The following TBC1D5 variants were observed in gnomAD, a reference collection of about 807,000 sequenced individuals.
TBC1D5 encodes the protein TBC1 domain family member 5.
In TBC1D5, 75 loss-of-function variants were observed where a neutral mutation model predicts 100.3. The observed-to-expected ratio is 0.75, with a 90% CI of 0.62 to 0.91. The LOEUF (loss-of-function observed/expected upper bound fraction) is 0.91. Ranked by LOEUF, TBC1D5 falls within the 40% of genes least tolerant of loss-of-function variation. The probability of loss-of-function intolerance (pLI) is 0.00; values close to 1 mark genes in which losing one functional copy is unlikely to be tolerated. For synonymous variants in TBC1D5, 323 were observed against 325.6 expected, an observed-to-expected ratio of 0.99 and a Z score of 0.09; for missense variants, 910 against 942.4, an observed-to-expected ratio of 0.97 and a Z score of 0.45.
rs111553319 is a variant in TBC1D5, at chr3:17,226,934, G to A, written c.1588+11229C>T. Among the ~76,000 whole-genome samples, 697 of 152,126 alleles carry A rather than the reference G, an allele frequency of 4.6e-3. 4 individuals are homozygous for A. Among genetic ancestry groups the A allele is most frequent in the Admixed American group, 0.02 (302 of 15,276 alleles). ...AATGCATGTATGTAGTCTTTCATTCGTGACCAAACATCAGGGAATGAGCCC... is the reference window on the plus strand; with the variant it reads ...AATGCATGTATGTAGTCTTTCATTCATGACCAAACATCAGGGAATGAGCCC... On this transcript the variant is annotated intron_variant, in intron 17 of 21. Transcript: ENST00000253692.
At chr3:17,549,466 A>ATT (rs1383800802) in intron 2 of TBC1D5, among the ~76,000 whole-genome samples, 1 of 152,210 alleles carries the variant, frequency 6.6e-6, no homozygotes, top group Non-Finnish European at 1.5e-5. Flanking sequence ...GTCCTTGTTC[A>ATT]TTTTAATGAG....
intron 3 of TBC1D5, among the ~76,000 whole-genome samples, chr3:17,492,864 C>G (rs2095656137): frequency 6.6e-6 from 1 of 152,206 alleles, no homozygotes; most frequent in Non-Finnish European, 1.5e-5. Flanking sequence ...CATTCAGAAG[C>G]ACTGATGGGT....
intron 2 of TBC1D5, among the ~76,000 whole-genome samples, chr3:17,581,152 C>T (rs1451060687): frequency 2.0e-5 from 3 of 152,194 alleles, no homozygotes; most frequent in Non-Finnish European, 4.4e-5. Flanking sequence ...CCCCTGCACA[C>T]ACTCTCTTGC....
chr3:17,722,866 C>G (rs1015828731), intron 1 of TBC1D5, among the ~76,000 whole-genome samples: 1 of 152,196 alleles, frequency 6.6e-6, no homozygotes, highest in Non-Finnish European at 1.5e-5. Context: ...GGATGAAAAA[C>G]ACATCTCCCA....
chr3:17,705,495 G>T (rs1272610689), intron 1 of TBC1D5, among the ~76,000 whole-genome samples: 4 of 149,796 alleles, frequency 2.7e-5, no homozygotes, highest in Admixed American at 6.6e-5. Context: ...CTCAGACGGG[G>T]TGGTTGCCAG....
chr3:17,465,301 AG>A, intron 3 of TBC1D5: 1 of 170,140 alleles, frequency 5.9e-6, no homozygotes. Context: ...CATGAGGGAG[AG>A]GGGAACTCCA....
chr3:17,415,622 A>T (rs2094047424), intron 4 of TBC1D5, among the ~76,000 whole-genome samples: 1 of 152,112 alleles, frequency 6.6e-6, no homozygotes, highest in Non-Finnish European at 1.5e-5. Flanking sequence ...ATTTTATAAC[A>T]AGCTTTTCAC....
At chr3:17,174,280 A>T (rs1192679028) in intron 19 of TBC1D5, among the ~76,000 whole-genome samples, 13 of 151,854 alleles carry the variant, frequency 8.6e-5, no homozygotes, top group East Asian at 3.9e-4. Flanking sequence ...CCTGGCACCA[A>T]AGGTGCCAGG....
intron 17 of TBC1D5, among the ~76,000 whole-genome samples, chr3:17,237,009 C>T (rs1261756129): frequency 2.0e-5 from 3 of 151,980 alleles, no homozygotes; most frequent in South Asian, 4.2e-4. Context: ...TTAAGTTTAC[C>T]GATTTAAATG....
intron 1 of TBC1D5, among the ~76,000 whole-genome samples, chr3:17,682,439 T>C (rs532463750): frequency 3.7e-4 from 56 of 151,412 alleles, no homozygotes; most frequent in Non-Finnish European, 7.6e-4. Flanking sequence ...AACATCAGAG[T>C]TATCATTTAC....
intron 2 of TBC1D5, among the ~76,000 whole-genome samples, chr3:17,569,366 G>C (rs1489603278): frequency 6.6e-6 from 1 of 151,746 alleles, no homozygotes; most frequent in Non-Finnish European, 1.5e-5. Context: ...TGCTATAAAA[G>C]TACATGTCAT....
chr3:17,724,874 A>G (rs888484620), intron 1 of TBC1D5, among the ~76,000 whole-genome samples: 2 of 152,002 alleles, frequency 1.3e-5, no homozygotes, highest in Non-Finnish European at 2.9e-5. Context: ...TCACTCATAT[A>G]TCTAGGTCAT....
chr3:17,694,836 G>A, intron 1 of TBC1D5, among the ~76,000 whole-genome samples: 1 of 152,150 alleles, frequency 6.6e-6, no homozygotes, highest in Non-Finnish European at 1.5e-5. Flanking sequence ...AATGTTAAAG[G>A]CAGCCAGAGA....
intron 1 of TBC1D5, among the ~76,000 whole-genome samples, chr3:17,640,950 T>A (rs17200874): frequency 0.017 from 2,487 of 150,090 alleles, 50 homozygotes; most frequent in South Asian, 0.048. Flanking sequence ...AAATTCTAAA[T>A]CAATCTCAGC....
Position 17,654,993 on chromosome 3 carries a change from G to A in TBC1D5, c.-100-31080C>T, listed in dbSNP as rs546359548. 3.6e-3 allele frequency among the ~76,000 whole-genome samples: 549 copies of A among 151,560 alleles called. 5 individuals carry two copies. Among genetic ancestry groups the A allele is most frequent in the African/African-American group, 0.013 (533 of 41,440 alleles). On this transcript the variant is annotated intron_variant, in intron 1 of 21. Coordinates refer to ENST00000253692, the Ensembl canonical transcript of TBC1D5. ...CTGATGGTAGTTTGTATTTCTGTGG[G>A]ATCAGTGGTGATATCCCCTTTATCA...
At chr3:17,401,534 C>T (rs2093652088) in intron 8 of TBC1D5, among the ~76,000 whole-genome samples, 1 of 151,882 alleles carries the variant, frequency 6.6e-6, no homozygotes, top group South Asian at 2.1e-4. Flanking sequence ...TGAAAAAATT[C>T]CCAGTATCAC....
At chr3:17,671,996 A>G (rs892191567) in intron 1 of TBC1D5, among the ~76,000 whole-genome samples, 2 of 152,238 alleles carry the variant, frequency 1.3e-5, no homozygotes. Context: ...CTTTAAGTGA[A>G]AGAGTTAATA....
Position 17,160,946 on chromosome 3 carries a change from A to G in TBC1D5, c.*17T>C, listed in dbSNP as rs372948907. 3 of 1,605,824 alleles carry G rather than the reference A, an allele frequency of 1.9e-6. No individual in the cohort carries two copies. In the African/African-American group the frequency reaches 4.0e-5, roughly 21 times the overall value. On this transcript the variant is annotated 3_prime_UTR_variant, in exon 22 of 22. Coordinates refer to ENST00000253692, the Ensembl canonical transcript of TBC1D5. ...AAGGGTGGCTAGATCCCTGTGGGGC[A>G]GGACTGGGCACTGTGGTCAGATGTC... is the stretch of plus-strand genomic sequence containing the variant.
At chr3:17,503,523 G>A (rs1164394471) in intron 3 of TBC1D5, among the ~76,000 whole-genome samples, 3 of 149,394 alleles carry the variant, frequency 2.0e-5, no homozygotes, top group Non-Finnish European at 2.9e-5. Context: ...GTACACGCAA[G>A]GCACTCAAAT....
Sources: gnomAD v4.1 joint callset for allele counts (sites outside exome capture counted in the v4.1 genomes callset) on GRCh38, gnomAD v4.1.1 for gene constraint, MANE v1.5 for transcripts, NCBI Gene and HGNC (gene_info 2026-07-23, HGNC 2026-07-21) for gene names.